Variants in ZNF227 observed in about 807,000 individuals in gnomAD.
ZNF227 encodes the protein zinc finger protein 227.
Under a neutral mutation model 13.2 loss-of-function variants are expected in ZNF227, and 12 were observed. The ratio of observed to expected loss-of-function variants is 0.91; its 90% confidence interval spans 0.58 to 1.47. The LOEUF is 1.47. ZNF227 is among the 40% of genes most tolerant of loss of function. The pLI is 0.00. For synonymous variants in ZNF227, 338 were observed against 326.0 expected, an observed-to-expected ratio of 1.04 and a Z score of -0.40; for missense variants, 885 against 967.5, an observed-to-expected ratio of 0.91 and a Z score of 1.13.
rs769574008 is a variant in ZNF227, at chr19:44,235,554, C to T, written c.1124C>T (p.Thr375Ile). The change falls in exon 6 of 6, where the codon ACT (threonine) becomes ATT (isoleucine). Residue 375 changes from threonine (T) to isoleucine (I), a missense_variant. Thr to Ile is a moderately conservative substitution (Grantham distance 89). Transcript: ENST00000313040. ...TTTCAGTGCCATCAGAGAGTCCACA[C>T]TGAAGAAAAACCATACAAATGCGAA... Reference protein sequence around the residue: ...SNFQCHQRVHTEEKPYKCEEC... With the variant: ...SNFQCHQRVHIEEKPYKCEEC... 7 of 1,614,064 alleles carry T rather than the reference C, an allele frequency of 4.3e-6. No homozygotes were observed. The highest frequency in any genetic ancestry group is 2.7e-5 in the African/African-American group (2 of 74,914).
intron 3 of ZNF227, among the ~76,000 whole-genome samples, chr19:44,219,883 A>C (rs1472160161): frequency 2.6e-5 from 4 of 151,536 alleles, no homozygotes; most frequent in African/African-American, 9.7e-5. Flanking sequence ...GCACCCATTA[A>C]CTCGTCATTT....
intron 3 of ZNF227, among the ~76,000 whole-genome samples, chr19:44,226,607 GTTTT>G (rs1973196486): frequency 6.6e-6 from 1 of 152,202 alleles, no homozygotes; most frequent in South Asian, 2.1e-4. Context: ...CTGGTGTGCC[GTTTT>G]TTAAGTCCAT....
At chr19:44,214,008 C>T (rs979821235) in intron 2 of ZNF227, among the ~76,000 whole-genome samples, 7 of 152,282 alleles carry the variant, frequency 4.6e-5, no homozygotes, top group Middle Eastern at 3.4e-3. Flanking sequence ...TAAATACACA[C>T]TGGATTTCAA....
At chr19:44,210,417 T>C (rs952710895), upstream of ZNF227, among the ~76,000 whole-genome samples, 3 of 152,164 alleles carry the variant, frequency 2.0e-5, no homozygotes, top group East Asian at 1.9e-4. Flanking sequence ...ATTTTACAAA[T>C]GAAGAAAAAG....
chr19:44,212,184 A>T (rs184098824), upstream of ZNF227, among the ~76,000 whole-genome samples: 1 of 151,842 alleles, frequency 6.6e-6, no homozygotes, highest in Admixed American at 6.6e-5. Flanking sequence ...TAGGGCTCCA[A>T]TTCTTCACAT....
chr19:44,214,658 G>A (rs1173427751), intron 2 of ZNF227, among the ~76,000 whole-genome samples: 3 of 152,106 alleles, frequency 2.0e-5, no homozygotes, highest in African/African-American at 7.2e-5. Context: ...GATTACCGGC[G>A]TGAGCCACTG....
At chr19:44,215,980 C>T (rs1259594298) in intron 2 of ZNF227, among the ~76,000 whole-genome samples, 1 of 108,416 alleles carries the variant, frequency 9.2e-6, no homozygotes, top group Admixed American at 1.2e-4. Flanking sequence ...AAGAGCGAAA[C>T]TCTCTCTCTA....
At chr19:44,214,501 C>A (rs997149932) in intron 2 of ZNF227, among the ~76,000 whole-genome samples, 6 of 151,940 alleles carry the variant, frequency 3.9e-5, no homozygotes, top group African/African-American at 1.5e-4. Flanking sequence ...GCATCAAGCT[C>A]CCGAGTAACT....
chr19:44,234,424 C>G (rs781406771), intron 5 of ZNF227, among the ~76,000 whole-genome samples: 1 of 152,192 alleles, frequency 6.6e-6, no homozygotes, highest in African/African-American at 2.4e-5. Context: ...CCTGCAGCTA[C>G]CTGATTTTAG....
At chr19:44,231,961 C>T (rs1461708555) in intron 5 of ZNF227, among the ~76,000 whole-genome samples, 2 of 152,180 alleles carry the variant, frequency 1.3e-5, no homozygotes, top group Non-Finnish European at 2.9e-5. Flanking sequence ...TTCAAGTTGG[C>T]TTTACTCATT....
At chr19:44,228,859 G>T (rs934253153) in intron 4 of ZNF227, 1 of 425,396 alleles carries the variant, frequency 2.4e-6, no homozygotes, top group Non-Finnish European at 4.1e-6. Context: ...TTGGCATTTT[G>T]TGGGTAGTAT....
At chr19:44,217,122 C>T (rs1599777157) in intron 2 of ZNF227, among the ~76,000 whole-genome samples, 1 of 152,044 alleles carries the variant, frequency 6.6e-6, no homozygotes. Context: ...ACCACCACGC[C>T]TGGCTGATTT....
At chr19:44,210,500 A>G (rs568419475), upstream of ZNF227, among the ~76,000 whole-genome samples, 31 of 152,370 alleles carry the variant, frequency 2.0e-4, no homozygotes, top group African/African-American at 7.2e-4. Context: ...ATTAGCTACT[A>G]CACACTACTT....
intron 2 of ZNF227, among the ~76,000 whole-genome samples, chr19:44,216,669 C>T (rs1189280113): frequency 1.1e-5 from 1 of 87,728 alleles, no homozygotes; most frequent in Non-Finnish European, 2.1e-5. Context: ...TTTCATGTTT[C>T]TTGATTTTTC....
rs371771826 is a variant in ZNF227 at position 44,234,844 on chromosome 19, A to G, written c.414A>G (p.Leu138=). 1 of 1,614,116 alleles carries G rather than the reference A, an allele frequency of 6.2e-7. No homozygotes were observed. The highest frequency in any genetic ancestry group is 1.1e-5 in the South Asian group (1 of 91,054). The change falls in exon 6 of 6, where the codon TTA becomes TTG. Residue 138 remains leucine (L), a synonymous_variant. Transcript: ENST00000313040. The part of the protein sequence containing the change: ...TRCLQGKSSQ[L]LQGDSIQVSE... The stretch of plus-strand genomic sequence containing the variant: ...GTCTTCAGGGGAAGAGTTCCCAGTT[A>G]TTACAAGGTGACTCTATTCAGGTTT...
In ZNF227 at chr19:44,228,608, T is replaced by C. The variant is rs376027614; in HGVS notation, c.187+36T>C. 278 of 1,571,566 alleles carry C rather than the reference T, an allele frequency of 1.8e-4. 2 individuals carry two copies. In the African/African-American group the frequency reaches 3.6e-3, roughly 20 times the overall value. On this transcript the variant is annotated intron_variant, in intron 4 of 5. Coordinates refer to ENST00000313040, the MANE Select transcript of ZNF227 (RefSeq NM_182490.3). ...GCACTCTCTGACCCTGAACTTCAGT[T>C]CCCTTGAGAATCTCTTTGCTCTCAG...
Position 44,235,813 on chromosome 19 carries a change from G to A in ZNF227, c.1383G>A (p.Glu461=), listed in dbSNP as rs371965830. The A allele has an allele frequency of 6.0e-5, 96 of 1,613,446 alleles. No homozygotes were observed. The East Asian group carries it at 1.6e-3, about 27-fold the overall frequency. The change falls in exon 6 of 6, where the codon GAG becomes GAA. Residue 461 remains glutamate, a synonymous_variant. Transcript: ENST00000313040. ...GCCATCGGAGAGTCCACACAGGAGA[G>A]AAGCCATACAAGTGTGAGGCGTGTG... ...LICHRRVHTG[E]KPYKCEACGK...
chr19:44,225,628 A>G (rs541276781), intron 3 of ZNF227, among the ~76,000 whole-genome samples: 78 of 152,200 alleles, frequency 5.1e-4, no homozygotes, highest in African/African-American at 1.7e-3. Flanking sequence ...CAGCTCCTTT[A>G]AGCACTTCTC....
chr19:44,222,530 G>A (rs911967380), intron 3 of ZNF227, among the ~76,000 whole-genome samples: 2 of 151,508 alleles, frequency 1.3e-5, no homozygotes, highest in Admixed American at 1.3e-4. Flanking sequence ...AAGCAATTGT[G>A]AATGGGAGTT....
Sources: gnomAD v4.1 joint callset for allele counts (sites outside exome capture counted in the v4.1 genomes callset) on GRCh38, gnomAD v4.1.1 for gene constraint, MANE v1.5 for transcripts, NCBI Gene and HGNC (gene_info 2026-07-23, HGNC 2026-07-21) for gene names.